The following SH3GLB1 variants were observed in gnomAD, a reference collection of about 807,000 sequenced individuals.
The protein encoded by SH3GLB1 is SH3 domain containing GRB2 like, endophilin B1, also known as endophilin-B1.
SH3GLB1 carries 17 observed loss-of-function variants against 42.0 expected under a neutral mutation model. That is an observed-to-expected ratio of 0.40 (90% CI 0.28 to 0.61). The LOEUF is 0.61. SH3GLB1 is among the 20% of genes least tolerant of loss of function. The pLI is 0.36. For missense variants in SH3GLB1, 355 were observed against 426.3 expected (o/e 0.83, Z 1.47); for synonymous variants, 132 against 146.6 (o/e 0.90, Z 0.72).
intron 1 of SH3GLB1, among the ~76,000 whole-genome samples, chr1:86,706,677 C>T (rs1245851533): frequency 2.0e-5 from 3 of 152,160 alleles, no homozygotes; most frequent in Non-Finnish European, 2.9e-5. Context: ...TGTCCTAGTG[C>T]TCATTACCTA....
chr1:86,707,207 G>A (rs1304052595), intron 1 of SH3GLB1, among the ~76,000 whole-genome samples: 1 of 152,190 alleles, frequency 6.6e-6, no homozygotes, highest in Non-Finnish European at 1.5e-5. Flanking sequence ...TTAGTATCGT[G>A]TATAGATAGG....
intron 1 of SH3GLB1, among the ~76,000 whole-genome samples, chr1:86,708,584 T>G (rs1317453261): frequency 3.3e-5 from 5 of 152,208 alleles, no homozygotes; most frequent in African/African-American, 4.8e-5. Context: ...CTTGGTACTT[T>G]AAAAAGAATG....
intron 7 of SH3GLB1, 141 bp downstream of exon 7, chr1:86,735,320 A>G (rs1161559272): frequency 3.7e-6 from 2 of 545,310 alleles, no homozygotes; most frequent in Non-Finnish European, 6.4e-6. Context: ...GAAAGTAATT[A>G]TCAGTTTTCT....
At chr1:86,735,037 T>A in intron 6 of SH3GLB1, 42 bp from the exon 7 acceptor site, 1 of 1,474,802 alleles carries the variant, frequency 6.8e-7, no homozygotes, top group Non-Finnish European at 9.5e-7. Flanking sequence ...GCCATTTAAG[T>A]TGACTATACA....
intron 5 of SH3GLB1, among the ~76,000 whole-genome samples, chr1:86,731,640 T>C (rs1472674613): frequency 6.6e-6 from 1 of 152,120 alleles, no homozygotes; most frequent in Non-Finnish European, 1.5e-5. Context: ...TCTCAGCAAG[T>C]TTAGGAAATA....
intron 5 of SH3GLB1, among the ~76,000 whole-genome samples, chr1:86,731,892 C>G (rs1460541187): frequency 6.6e-6 from 1 of 152,064 alleles, no homozygotes; most frequent in African/African-American, 2.4e-5. Flanking sequence ...CCAGCCTGAC[C>G]AGCATGGTGA....
At chr1:86,708,811 C>G (rs962924890) in intron 1 of SH3GLB1, among the ~76,000 whole-genome samples, 1 of 152,190 alleles carries the variant, frequency 6.6e-6, no homozygotes, top group Non-Finnish European at 1.5e-5. Context: ...CCCTTACAAT[C>G]TGGTCCTTTC....
At chr1:86,740,674 A>T (rs1185673405) in intron 7 of SH3GLB1, among the ~76,000 whole-genome samples, 1 of 152,192 alleles carries the variant, frequency 6.6e-6, no homozygotes, top group Non-Finnish European at 1.5e-5. Context: ...AATTGGTAAG[A>T]TCTAGATGTG....
At chr1:86,714,662 C>T (rs143542631) in intron 1 of SH3GLB1, among the ~76,000 whole-genome samples, 237 of 152,114 alleles carry the variant, frequency 1.6e-3, no homozygotes, top group African/African-American at 5.4e-3. Flanking sequence ...GAGTAGCAAA[C>T]GAGATTTTTG....
At chr1:86,733,083 C>T (rs1053502297) in intron 5 of SH3GLB1, among the ~76,000 whole-genome samples, 9 of 152,102 alleles carry the variant, frequency 5.9e-5, no homozygotes, top group African/African-American at 1.9e-4. Flanking sequence ...TTAGGAAGAA[C>T]ATTGCTTCTT....
intron 5 of SH3GLB1, among the ~76,000 whole-genome samples, chr1:86,725,983 G>A (rs1324902356): frequency 6.6e-6 from 1 of 152,068 alleles, no homozygotes; most frequent in African/African-American, 2.4e-5. Flanking sequence ...CAGACTATCT[G>A]CAGCATCAGA....
At chr1:86,724,892 A>AATATATATATATAT (rs58927851) in intron 5 of SH3GLB1, among the ~76,000 whole-genome samples, 2 of 99,696 alleles carry the variant, frequency 2.0e-5, no homozygotes, top group African/African-American at 5.4e-5. Flanking sequence ...AAAAAAAAAA[A>AATATATATATATAT]ATATATATAT....
At chr1:86,740,622 G>C (rs760863321) in intron 7 of SH3GLB1, among the ~76,000 whole-genome samples, 4 of 152,296 alleles carry the variant, frequency 2.6e-5, no homozygotes, top group Middle Eastern at 6.8e-3. Context: ...CAAAGAATGG[G>C]ATAGTAGAAA....
At chr1:86,719,990 T>C (rs1307528673) in intron 3 of SH3GLB1, among the ~76,000 whole-genome samples, 1 of 119,002 alleles carries the variant, frequency 8.4e-6, no homozygotes, top group African/African-American at 4.0e-5. Flanking sequence ...AACGAGACTC[T>C]GTCTCAAAAA....
intron 7 of SH3GLB1, among the ~76,000 whole-genome samples, chr1:86,735,385 AG>A (rs2101978133): frequency 6.6e-6 from 1 of 152,348 alleles, no homozygotes; most frequent in East Asian, 1.9e-4. Flanking sequence ...AACAGGGATG[AG>A]AAAAAGTGAA....
chr1:86,715,787 C>T lies in SH3GLB1; in HGVS notation c.136C>T (p.Leu46Phe). 1 of 1,612,706 alleles carries T rather than the reference C, an allele frequency of 6.2e-7. No individual in the cohort carries two copies. ...ATTGGATGCTCACTTAGAGAACCTCCTTAGCAAAGCTGAATGTACCAAAAT... is the reference window on the plus strand; with the variant it reads ...ATTGGATGCTCACTTAGAGAACCTCTTTAGCAAAGCTGAATGTACCAAAAT... ...TELDAHLENL[L>F]SKAECTKIWT... Residue 46 changes from leucine (L) to phenylalanine (F), a missense_variant, in exon 2 of 9, where the codon CTT becomes TTT. Physicochemically the swap from Leu to Phe is conservative, Grantham distance 22. Transcript: ENST00000370558.
chr1:86,708,404 A>C, intron 1 of SH3GLB1, among the ~76,000 whole-genome samples: 1 of 152,224 alleles, frequency 6.6e-6, no homozygotes, highest in East Asian at 1.9e-4. Flanking sequence ...GGAATATGCC[A>C]TTCTTTGGTT....
intron 3 of SH3GLB1, among the ~76,000 whole-genome samples, chr1:86,721,172 G>A (rs1654838762): frequency 6.6e-6 from 1 of 152,018 alleles, no homozygotes; most frequent in South Asian, 2.1e-4. Flanking sequence ...AATGTACCCT[G>A]GTTATTAGAA....
chr1:86,735,137 A>AGTGTTACCAGTATATGTT lies in SH3GLB1; in HGVS notation c.721_738dup (p.Cys241_Leu246dup). 6.2e-7 allele frequency: 1 copy of AGTGTTACCAGTATATGTT among 1,612,974 alleles called. No individual in the cohort carries two copies. Among genetic ancestry groups the AGTGTTACCAGTATATGTT allele is most frequent in the Non-Finnish European group, 8.5e-7 (1 of 1,179,066 alleles). ...GAAGCCCAGATGACTTACTATGCAC[A>AGTGTTACCAGTATATGTT]GTGTTACCAGTATATGTTGGACCTC... On this transcript the variant is annotated inframe_insertion, in exon 7 of 9. Coordinates refer to ENST00000370558, the MANE Select transcript of SH3GLB1 (RefSeq NM_016009.5).
Sources: gnomAD v4.1 joint callset for allele counts (sites outside exome capture counted in the v4.1 genomes callset) on GRCh38, gnomAD v4.1.1 for gene constraint, MANE v1.5 for transcripts, NCBI Gene and HGNC (gene_info 2026-07-23, HGNC 2026-07-21) for gene names.